WDR27: variants seen among roughly 807,000 people sequenced by gnomAD.
WDR27 encodes WD repeat domain 27.
A neutral mutation model predicts 114.4 loss-of-function variants in WDR27; 100 were observed. The observed-to-expected ratio is 0.87, with a 90% CI of 0.74 to 1.03. WDR27 has a LOEUF of 1.03. Among genes scored for constraint, WDR27 ranks in the 50% least tolerant of loss-of-function variants. WDR27 has a pLI of 0.00. For missense variants in WDR27, 1,129 were observed against 1,092.9 expected (o/e 1.03, Z -0.47); for synonymous variants, 449 against 423.1 (o/e 1.06, Z -0.75).
intron 10 of WDR27, 55 bp downstream of exon 10, chr6:169,660,608 A>G (rs1825800134): frequency 6.9e-7 from 1 of 1,450,528 alleles, no homozygotes; most frequent in African/African-American, 1.4e-5. Flanking sequence ...ACTACCCCAC[A>G]TACCAGTCAA....
intron 8 of WDR27, among the ~76,000 whole-genome samples, chr6:169,663,384 G>A (rs1041214061): frequency 2.0e-5 from 3 of 152,128 alleles, no homozygotes; most frequent in African/African-American, 7.2e-5. Flanking sequence ...AAGAAAGAAT[G>A]AGTAACCAGA....
At chr6:169,647,488 A>C (rs1821076494) in intron 16 of WDR27, among the ~76,000 whole-genome samples, 1 of 152,198 alleles carries the variant, frequency 6.6e-6, no homozygotes. Context: ...AAACAGAGCA[A>C]ACCCCGGAGG....
In WDR27 at chr6:169,506,533, TTTGA is replaced by T. The variant is rs373933062; in HGVS notation, c.2646-48903_2646-48900del. Among the ~76,000 whole-genome samples the T allele has an allele frequency of 1.3e-4, 20 of 152,254 alleles. No individual in the cohort carries two copies. In the South Asian group the frequency reaches 2.5e-3, roughly 19 times the overall value. On this transcript the variant is annotated intron_variant, in intron 25 of 25. Transcript: ENST00000448612. ...AACATTGTGCCCAATTAAGAGCAAG[TTTGA>T]TTGAGTAAGGAGAGAAACATGGTGA...
intron 25 of WDR27, among the ~76,000 whole-genome samples, chr6:169,566,971 G>A (rs1800602346): frequency 6.6e-6 from 1 of 152,184 alleles, no homozygotes; most frequent in South Asian, 2.1e-4. Context: ...CCAGGGCAGA[G>A]GGGAGGCATC....
chr6:169,498,170 T>A (rs1170826087), intron 25 of WDR27, among the ~76,000 whole-genome samples: 1 of 152,052 alleles, frequency 6.6e-6, no homozygotes, highest in Non-Finnish European at 1.5e-5. Context: ...GCAAATGCTA[T>A]ATGATTCTAT....
rs566369282 is a variant in WDR27 at position 169,697,528 on chromosome 6, C to T, written c.-8+4023G>A. Among the ~76,000 whole-genome samples, 3 of 152,324 alleles carry T rather than the reference C, an allele frequency of 2.0e-5. No homozygotes were observed. The East Asian group carries it at 5.8e-4, about 29-fold the overall frequency. On this transcript the variant is annotated intron_variant, in intron 1 of 25. Transcript: ENST00000448612. ...AGGCTCGCCCACTGTAATCCGGAGG[C>T]CTAACCATCTCCGTGATGCTGTGCT...
At chr6:169,579,297 G>A (rs886929639) in intron 24 of WDR27, among the ~76,000 whole-genome samples, 7 of 152,160 alleles carry the variant, frequency 4.6e-5, no homozygotes, top group African/African-American at 1.7e-4. Flanking sequence ...TGTCAAAACA[G>A]CCCACTTCAA....
chr6:169,641,863 C>T (rs1278488273), intron 17 of WDR27, among the ~76,000 whole-genome samples: 1 of 152,252 alleles, frequency 6.6e-6, no homozygotes, highest in South Asian at 2.1e-4. Flanking sequence ...GCAGCTCTCC[C>T]GCGCAGCGCG....
intron 25 of WDR27, among the ~76,000 whole-genome samples, chr6:169,565,779 G>A (rs118188071): frequency 0.02 from 3,106 of 152,300 alleles, 47 homozygotes; most frequent in Non-Finnish European, 0.033. Context: ...AGGCTCCCGC[G>A]TAGCTGGGAC....
chr6:169,678,986 T>G (rs1367518267), intron 2 of WDR27, among the ~76,000 whole-genome samples: 1 of 152,204 alleles, frequency 6.6e-6, no homozygotes, highest in Non-Finnish European at 1.5e-5. Context: ...GAGCTTACTC[T>G]GCAGAGTAAA....
intron 24 of WDR27, among the ~76,000 whole-genome samples, chr6:169,572,990 T>C (rs183091107): frequency 1.3e-4 from 19 of 150,752 alleles, no homozygotes; most frequent in African/African-American, 4.3e-4. Context: ...CATGTGTCAA[T>C]GCGCCGCATA....
chr6:169,588,250 G>C (rs2128149801), intron 23 of WDR27, among the ~76,000 whole-genome samples: 1 of 152,302 alleles, frequency 6.6e-6, no homozygotes, highest in South Asian at 2.1e-4. Flanking sequence ...TTTATGAAGT[G>C]ATGATTTCAT....
chr6:169,554,252 G>A (rs1330628658), intron 25 of WDR27, among the ~76,000 whole-genome samples: 3 of 152,202 alleles, frequency 2.0e-5, no homozygotes, highest in East Asian at 3.9e-4. Flanking sequence ...GGGCTGGAAG[G>A]ACTCAGCGGC....
chr6:169,629,482 AATTAT>A (rs1815748624), intron 21 of WDR27, among the ~76,000 whole-genome samples: 1 of 152,220 alleles, frequency 6.6e-6, no homozygotes, highest in South Asian at 2.1e-4. Context: ...ACCAAAAATA[AATTAT>A]AATTGGCTTT....
At chr6:169,626,372 A>T (rs1814831342) in intron 21 of WDR27, among the ~76,000 whole-genome samples, 1 of 152,132 alleles carries the variant, frequency 6.6e-6, no homozygotes, top group South Asian at 2.1e-4. Context: ...GGGGGGTTGC[A>T]TTGCCTGTGG....
In WDR27 at chr6:169,607,121, G is replaced by A. The variant is rs575159980; in HGVS notation, c.2322-4800C>T. ...GTCAAGGATGCAGGGAAAAGGGAAA[G>A]TTTATACAATGCTGATGGGAATGTA... On this transcript the variant is annotated intron_variant, in intron 22 of 25. Transcript: ENST00000448612. Among the ~76,000 whole-genome samples the A allele has an allele frequency of 1.2e-4, 18 of 152,306 alleles. No individual in the cohort carries two copies. The South Asian group carries it at 2.7e-3, about 23-fold the overall frequency.
downstream of WDR27, among the ~76,000 whole-genome samples, chr6:169,452,497 GGTC>G (rs1276417439): frequency 1.6e-4 from 3 of 19,336 alleles, no homozygotes; most frequent in Non-Finnish European, 2.3e-4. Context: ...CCGGACGTGG[GGTC>G]AGAGAGGAGC....
the WDR27 span, among the ~76,000 whole-genome samples, chr6:169,431,897 G>A: frequency 6.6e-6 from 1 of 152,080 alleles, no homozygotes; most frequent in Non-Finnish European, 1.5e-5. Context: ...GTATCTTAAG[G>A]TTCCAAAATG....
chr6:169,625,336 C>G (rs762788155), intron 21 of WDR27, among the ~76,000 whole-genome samples: 11 of 152,164 alleles, frequency 7.2e-5, no homozygotes, highest in Non-Finnish European at 1.5e-4. Flanking sequence ...CACGTCATTC[C>G]GACTGCACTG....
Sources: gnomAD v4.1 joint callset for allele counts (sites outside exome capture counted in the v4.1 genomes callset) on GRCh38, gnomAD v4.1.1 for gene constraint, MANE v1.5 for transcripts, NCBI Gene and HGNC (gene_info 2026-07-23, HGNC 2026-07-21) for gene names.